Variants in DUSP29 observed in about 807,000 individuals in gnomAD.
The protein encoded by DUSP29 is atypical dual-specific protein phosphatase.
DUSP29 carries 12 observed loss-of-function variants against 13.5 expected under a neutral mutation model. The observed-to-expected ratio is 0.89, with a 90% CI of 0.57 to 1.44. The LOEUF (loss-of-function observed/expected upper bound fraction) is 1.44, where lower values mean the gene tolerates loss of function less well. DUSP29 is among the 40% of genes most tolerant of loss of function. The pLI is 0.00. For missense variants in DUSP29, 308 were observed against 301.1 expected (o/e 1.02, Z -0.17); for synonymous variants, 134 against 128.7 (o/e 1.04, Z -0.28).
chr10:75,053,082 C>T (rs1846880680), intron 2 of DUSP29, among the ~76,000 whole-genome samples: 1 of 152,232 alleles, frequency 6.6e-6, no homozygotes, highest in Non-Finnish European at 1.5e-5. Flanking sequence ...CGCAGCAGAG[C>T]TGGCCCACCA....
At chr10:75,072,482 C>T (rs550636220) in intron 1 of DUSP29, among the ~76,000 whole-genome samples, 23 of 152,252 alleles carry the variant, frequency 1.5e-4, no homozygotes, top group South Asian at 4.1e-4. Flanking sequence ...CCATGTCCAC[C>T]CCAGCCTCCA....
At position 75,058,316 on chromosome 10, in the gene DUSP29, C is replaced by T. The variant is rs757109253; in HGVS notation, c.199G>A (p.Glu67Lys). 3.3e-5 allele frequency: 53 copies of T among 1,610,846 alleles called. No individual in the cohort carries two copies. The highest frequency in any genetic ancestry group is 4.2e-5 in the Non-Finnish European group (49 of 1,177,876). The stretch of plus-strand genomic sequence containing the variant: ...GCGAGCCTGGGCCTGGGCACTTACT[C>T]ATCGCCAATGTAGAGCTTGGGCCAG... Reference protein sequence around the residue: ...EVWPKLYIGDEATALDRYRLQ... With the variant: ...EVWPKLYIGDKATALDRYRLQ... Residue 67 changes from glutamate to lysine, a missense_variant and splice_region_variant, in exon 2 of 4, where the codon GAG becomes AAG. Physicochemically the swap from Glu to Lys is moderately conservative, Grantham distance 56 (BLOSUM62 1). Transcript: ENST00000338487.
chr10:75,056,845 C>A (rs1846970274), intron 2 of DUSP29, among the ~76,000 whole-genome samples: 1 of 152,016 alleles, frequency 6.6e-6, no homozygotes, highest in Non-Finnish European at 1.5e-5. Flanking sequence ...CCTCATTTAA[C>A]CTAGTATAAT....
At chr10:75,064,317 G>A (rs948680959) in intron 1 of DUSP29, among the ~76,000 whole-genome samples, 2 of 152,248 alleles carry the variant, frequency 1.3e-5, no homozygotes, top group East Asian at 3.9e-4. Flanking sequence ...AGACTATCCT[G>A]GCCAACATGG....
chr10:75,051,267 A>G (rs906138891), intron 2 of DUSP29, among the ~76,000 whole-genome samples: 3 of 152,100 alleles, frequency 2.0e-5, no homozygotes, highest in African/African-American at 7.2e-5. Flanking sequence ...TTCCTCATAC[A>G]CTGTGAATCG....
At chr10:75,042,845 C>T (rs1421541733) in intron 3 of DUSP29, among the ~76,000 whole-genome samples, 1 of 152,236 alleles carries the variant, frequency 6.6e-6, no homozygotes, top group African/African-American at 2.4e-5. Context: ...TGTGATGGCT[C>T]CACAAAGGGG....
intron 1 of DUSP29, among the ~76,000 whole-genome samples, chr10:75,069,022 A>T (rs975403294): frequency 6.6e-6 from 1 of 152,152 alleles, no homozygotes; most frequent in Non-Finnish European, 1.5e-5. Context: ...AATTATGTGA[A>T]TTAATATAAA....
chr10:75,068,899 A>G (rs1336689060), intron 1 of DUSP29, among the ~76,000 whole-genome samples: 3 of 152,196 alleles, frequency 2.0e-5, no homozygotes, highest in Non-Finnish European at 2.9e-5. Context: ...TGGACGTAAA[A>G]ACTCAGGAAT....
intron 1 of DUSP29, among the ~76,000 whole-genome samples, chr10:75,071,903 G>A (rs1276917220): frequency 6.6e-6 from 1 of 152,254 alleles, no homozygotes. Flanking sequence ...GCGGCTGGTT[G>A]TCAAAAGCGC....
intron 3 of DUSP29, among the ~76,000 whole-genome samples, chr10:75,039,975 T>A (rs1846549979): frequency 6.6e-6 from 1 of 152,064 alleles, no homozygotes; most frequent in African/African-American, 2.4e-5. Flanking sequence ...AGGCCAGGAA[T>A]TGGAGACCAG....
intron 1 of DUSP29, among the ~76,000 whole-genome samples, chr10:75,064,377 G>A (rs547856130): frequency 4.5e-4 from 69 of 152,192 alleles, no homozygotes; most frequent in African/African-American, 1.5e-3. Context: ...GTGTGGTGGC[G>A]CATGCCTGTA....
chr10:75,067,244 G>A (rs1847225576), intron 1 of DUSP29, among the ~76,000 whole-genome samples: 1 of 152,090 alleles, frequency 6.6e-6, no homozygotes, highest in Non-Finnish European at 1.5e-5. Flanking sequence ...ACAGGCGTGA[G>A]CCACTGCACC....
At chr10:75,038,475 C>T (rs1031426960) in intron 3 of DUSP29, among the ~76,000 whole-genome samples, 2 of 152,074 alleles carry the variant, frequency 1.3e-5, no homozygotes, top group Non-Finnish European at 2.9e-5. Flanking sequence ...ACGTGTCCAG[C>T]TGGATGAATG....
chr10:75,067,131 T>G (rs1477745578), intron 1 of DUSP29, among the ~76,000 whole-genome samples: 3 of 151,714 alleles, frequency 2.0e-5, no homozygotes, highest in Non-Finnish European at 4.4e-5. Flanking sequence ...GGCTAATTTT[T>G]GTATTTTTAG....
chr10:75,051,106 G>T (rs1455803391), intron 2 of DUSP29, among the ~76,000 whole-genome samples: 1 of 152,178 alleles, frequency 6.6e-6, no homozygotes, highest in Non-Finnish European at 1.5e-5. Context: ...TCCCTGGAAG[G>T]CCTAGGAGAG....
At chr10:75,051,089 G>T (rs1029231367) in intron 2 of DUSP29, among the ~76,000 whole-genome samples, 1 of 152,200 alleles carries the variant, frequency 6.6e-6, no homozygotes, top group Non-Finnish European at 1.5e-5. Flanking sequence ...TTAGGCCTTA[G>T]GTCACCTCCC....
intron 3 of DUSP29, among the ~76,000 whole-genome samples, chr10:75,039,949 G>A (rs1846549513): frequency 6.6e-6 from 1 of 152,138 alleles, no homozygotes; most frequent in African/African-American, 2.4e-5. Context: ...GGAAGCCGAG[G>A]TGGGTGGATC....
intron 2 of DUSP29, among the ~76,000 whole-genome samples, chr10:75,055,870 T>C (rs190536866): frequency 7.3e-4 from 111 of 152,286 alleles, no homozygotes; most frequent in African/African-American, 2.6e-3. Flanking sequence ...CAGCTAACTA[T>C]GGATTAATAA....
At chr10:75,061,080 C>G (rs1337718348) in intron 1 of DUSP29, among the ~76,000 whole-genome samples, 1 of 152,030 alleles carries the variant, frequency 6.6e-6, no homozygotes, top group Non-Finnish European at 1.5e-5. Flanking sequence ...GATGAGGTCT[C>G]GCTATGTTGG....
Sources: gnomAD v4.1 joint callset for allele counts (sites outside exome capture counted in the v4.1 genomes callset) on GRCh38, gnomAD v4.1.1 for gene constraint, MANE v1.5 for transcripts, NCBI Gene and HGNC (gene_info 2026-07-23, HGNC 2026-07-21) for gene names.